KCNK4: variants seen among roughly 807,000 people sequenced by gnomAD.
The protein encoded by KCNK4 is potassium channel subfamily K member 4.
Under a neutral mutation model 28.8 loss-of-function variants are expected in KCNK4, and 22 were observed. The ratio of observed to expected loss-of-function variants is 0.76; its 90% CI spans 0.55 to 1.09. The LOEUF (loss-of-function observed/expected upper bound fraction) is 1.09, where lower values mean the gene tolerates loss of function less well. KCNK4 is among the 50% of genes least tolerant of loss of function. The pLI, the probability that KCNK4 is intolerant of heterozygous loss-of-function variation, is 0.00. For synonymous variants in KCNK4, 263 were observed against 252.9 expected (o/e 1.04, Z -0.38); for missense variants, 483 against 546.3 (o/e 0.88, Z 1.15).
chr11:64,294,944 T>C lies in KCNK4; in HGVS notation c.189+1737T>C, dbSNP rs137904242. 5.3e-5 allele frequency among the ~76,000 whole-genome samples: 8 copies of C among 152,202 alleles called. No homozygotes were observed. In the East Asian group the frequency reaches 7.7e-4, roughly 15 times the overall value. On this transcript the variant is annotated intron_variant, in intron 2 of 6. Coordinates refer to ENST00000422670, the MANE Select transcript of KCNK4 (RefSeq NM_033310.3). ...AATCTGACCTAGTTTGTCTTCACAA[T>C]GGAATTGCTTTTTTCCTGGATAAGA...
rs993080855 is a variant in KCNK4, at chr11:64,299,634, G to A, written c.1090G>A (p.Ala364Thr). The A allele has an allele frequency of 1.9e-6, 3 of 1,607,030 alleles. No homozygotes were observed. Among genetic ancestry groups the A allele is most frequent in the Non-Finnish European group, 1.7e-6 (2 of 1,177,494 alleles). Residue 364 changes from alanine (A) to threonine (T), a missense_variant, in exon 7 of 7, where the codon GCG becomes ACG. Coordinates refer to ENST00000422670, the MANE Select transcript of KCNK4 (RefSeq NM_033310.3). ...QSERGCPLPR[A>T]PRGRRRPNPP... ...CGAGCGCGGCTGCCCGCTGCCCCGCGCGCCGAGAGGTCGCCGCCGCCCAAA... is the reference window on the plus strand; with the variant it reads ...CGAGCGCGGCTGCCCGCTGCCCCGCACGCCGAGAGGTCGCCGCCGCCCAAA...
intron 2 of KCNK4, among the ~76,000 whole-genome samples, chr11:64,295,676 A>C (rs1448567126): frequency 6.9e-6 from 1 of 145,604 alleles, no homozygotes; most frequent in Non-Finnish European, 1.5e-5. Context: ...TTGGAGTCCC[A>C]GGGAGAAGAC....
chr11:64,292,974 C>T lies in KCNK4; in HGVS notation c.-45C>T, dbSNP rs758147054. 5.6e-5 allele frequency: 84 copies of T among 1,503,368 alleles called. No homozygotes were observed. The highest frequency in any genetic ancestry group is 7.0e-5 in the Non-Finnish European group (79 of 1,128,880). The allele number at this position is 1,503,368 out of a possible 1,614,324, so 93.1% of individuals were successfully genotyped here. ...AGCTCCCCAGGAGCCCCCCGCCCGG[C>T]CCCTCCAGGCGGGCAGTGGAGCTGG... On this transcript the variant is annotated 5_prime_UTR_variant, in exon 2 of 7. Transcript: ENST00000422670.
chr11:64,297,870 G>A (rs2034815310), intron 5 of KCNK4, among the ~76,000 whole-genome samples: 1 of 152,116 alleles, frequency 6.6e-6, no homozygotes, highest in African/African-American at 2.4e-5. Flanking sequence ...TATATTAAAT[G>A]CACCCCTCGC....
intron 6 of KCNK4, 91 bp downstream of exon 6, chr11:64,298,340 A>G (rs1591230579): frequency 1.3e-6 from 2 of 1,507,512 alleles, no homozygotes; most frequent in East Asian, 4.6e-5. Context: ...TCTCCTATCC[A>G]GGGCGTGGGC....
Position 64,297,192 on chromosome 11 carries a change from G to T in KCNK4, c.387G>T (p.Pro129=). 6.2e-7 allele frequency: 1 copy of T among 1,614,124 alleles called. No homozygotes were observed. Among genetic ancestry groups the T allele is most frequent in the Non-Finnish European group, 8.5e-7 (1 of 1,180,006 alleles). The part of the protein sequence containing the change: ...FCIFYALVGI[P]LFGILLAGVG... Reference sequence around the variant, plus strand: ...TCTTTTATGCGCTGGTGGGGATTCCGCTGTTTGGGATCCTACTGGCAGGGG... The same window carrying T: ...TCTTTTATGCGCTGGTGGGGATTCCTCTGTTTGGGATCCTACTGGCAGGGG... The change falls in exon 4 of 7, where the codon CCG becomes CCT. Residue 129 remains proline (P), a synonymous_variant. Transcript: ENST00000422670.
intron 6 of KCNK4, among the ~76,000 whole-genome samples, 179 bp downstream of exon 6, chr11:64,298,428 C>A (rs1278357906): frequency 6.6e-6 from 1 of 152,194 alleles, no homozygotes; most frequent in Non-Finnish European, 1.5e-5. Flanking sequence ...GGTACCTTCA[C>A]CACCTCTTCC....
intron 5 of KCNK4, among the ~76,000 whole-genome samples, chr11:64,297,878 C>T (rs547618997): frequency 2.7e-4 from 41 of 152,340 alleles, no homozygotes; most frequent in African/African-American, 9.6e-4. Flanking sequence ...ATGCACCCCT[C>T]GCATGTGTCA....
Position 64,296,459 on chromosome 11 carries a change from C to G in KCNK4, c.190-419C>G, listed in dbSNP as rs921319644. Among the ~76,000 whole-genome samples the G allele has an allele frequency of 2.6e-5, 4 of 151,798 alleles. 1 individual carries two copies. Among genetic ancestry groups the G allele is most frequent in the Admixed American group, 2.6e-4 (4 of 15,210 alleles). ...AACAGTCAGTGCTTACTTTGTTGCA[C>G]GTTCACAAAAAATCTGGGAGGCAGA... is the stretch of plus-strand genomic sequence containing the variant. On this transcript the variant is annotated intron_variant, in intron 2 of 6. Coordinates refer to ENST00000422670, the MANE Select transcript of KCNK4 (RefSeq NM_033310.3).
rs779396444 is a variant in KCNK4, at chr11:64,297,532, C to T, written c.540C>T (p.Cys180=). The change falls in exon 5 of 7, where the codon TGC becomes TGT. Residue 180 remains cysteine (C), a synonymous_variant. Transcript: ENST00000422670. Reference sequence around the variant, plus strand: ...CGATGCTTTTCCTGCTGATCGGCTGCCTGCTCTTTGTCCTCACGCCCACGT... The same window carrying T: ...CGATGCTTTTCCTGCTGATCGGCTGTCTGCTCTTTGTCCTCACGCCCACGT... The part of the protein sequence containing the change: ...LSAMLFLLIG[C]LLFVLTPTFV... 7.4e-6 allele frequency: 12 copies of T among 1,614,064 alleles called. No individual in the cohort carries two copies. The South Asian group carries it at 8.8e-5, about 12-fold the overall frequency.
At chr11:64,293,548 G>C (rs1222647249) in intron 2 of KCNK4, among the ~76,000 whole-genome samples, 1 of 152,182 alleles carries the variant, frequency 6.6e-6, no homozygotes, top group Non-Finnish European at 1.5e-5. Context: ...CACCGGTCTA[G>C]ATTGCCACAC....
At chr11:64,295,920 ACTT>A (rs982638030) in intron 2 of KCNK4, 3 of 151,960 alleles carry the variant, frequency 2.0e-5, no homozygotes, top group African/African-American at 7.3e-5. Flanking sequence ...AGTCTCTCTG[ACTT>A]CCTCTCACCT....
Position 64,299,585 on chromosome 11 carries a change from C to T in KCNK4, c.1041C>T (p.Ile347=), listed in dbSNP as rs773117171. ...LDYPSENLAF[I]DESSDTQSER... ...ATCCCAGCGAGAACCTGGCCTTCAT[C>T]GACGAGTCCTCGGATACGCAGAGCG... Residue 347 remains isoleucine (I), a synonymous_variant, in exon 7 of 7, where the codon ATC becomes ATT. Coordinates refer to ENST00000422670, the MANE Select transcript of KCNK4 (RefSeq NM_033310.3). The T allele has an allele frequency of 1.2e-6, 2 of 1,610,576 alleles. No individual in the cohort carries two copies. The highest frequency in any genetic ancestry group is 1.7e-6 in the Non-Finnish European group (2 of 1,179,010).
At chr11:64,291,993 G>A in intron 1 of KCNK4, 4 of 1,168,096 alleles carry the variant, frequency 3.4e-6, no homozygotes, top group Non-Finnish European at 3.3e-6. Flanking sequence ...CTGCGCGGTG[G>A]CCCTGCTGTC....
At position 64,299,673 on chromosome 11, in the gene KCNK4, C is replaced by A. The variant is rs1044742149; in HGVS notation, c.1129C>A (p.Pro377Thr). The A allele has an allele frequency of 1.3e-5, 21 of 1,595,000 alleles. No individual in the cohort carries two copies. Among genetic ancestry groups the A allele is most frequent in the Non-Finnish European group, 1.8e-5 (21 of 1,172,098 alleles). Residue 377 changes from proline to threonine, a missense_variant, in exon 7 of 7, where the codon CCC becomes ACC. Transcript: ENST00000422670. Reference protein sequence around the residue: ...GRRRPNPPRKPVRPRGPGRPR... With the variant: ...GRRRPNPPRKTVRPRGPGRPR... Reference sequence around the variant, plus strand: ...CCGCCGCCCAAATCCCCCCAGGAAGCCCGTGCGGCCCCGCGGCCCCGGGCG... The same window carrying A: ...CCGCCGCCCAAATCCCCCCAGGAAGACCGTGCGGCCCCGCGGCCCCGGGCG...
rs767313879 is a variant in KCNK4, at chr11:64,299,488, G to T, written c.944G>T (p.Gly315Val). The change falls in exon 7 of 7, where the codon GGC (glycine) becomes GTC (valine). Residue 315 changes from glycine (G) to valine (V), a missense_variant. Physicochemically the swap from Gly to Val is moderately radical, Grantham distance 109. Transcript: ENST00000422670. ...CCGCCCTGTCCAGCGCAGCCGCTGG[G>T]CAGGCCCCGATCCCCTTCGCCCCCC... ...PPPPCPAQPLGRPRSPSPPEK... is the reference protein window; with the variant it reads ...PPPPCPAQPLVRPRSPSPPEK... 3.7e-6 allele frequency: 6 copies of T among 1,607,456 alleles called. No individual in the cohort carries two copies. In the Admixed American group the frequency reaches 5.0e-5, roughly 13 times the overall value.
intron 2 of KCNK4, among the ~76,000 whole-genome samples, chr11:64,295,209 T>C (rs1392543156): frequency 9.2e-5 from 14 of 152,132 alleles, no homozygotes; most frequent in Admixed American, 8.5e-4. Flanking sequence ...CACTGTAGGA[T>C]TCAGTGGAAA....
chr11:64,297,757 C>T, intron 5 of KCNK4, 104 bp downstream of exon 5: 1 of 1,202,958 alleles, frequency 8.3e-7, no homozygotes, highest in Non-Finnish European at 1.2e-6. Context: ...TTGCTCTAAC[C>T]CCTGCATCCA....
Position 64,298,134 on chromosome 11 carries a change from C to T in KCNK4, c.686C>T (p.Pro229Leu), listed in dbSNP as rs146535799. 1.6e-5 allele frequency: 26 copies of T among 1,613,654 alleles called. No individual in the cohort carries two copies. Among genetic ancestry groups the T allele is most frequent in the South Asian group, 7.7e-5 (7 of 91,038 alleles). ...VAGADPRQDS[P>L]AYQPLVWFWI... The stretch of plus-strand genomic sequence containing the variant: ...GGCGCGGACCCCAGGCAGGACTCCC[C>T]GGCCTATCAGCCGCTGGTGTGGTTC... Residue 229 changes from proline (P) to leucine (L), a missense_variant, in exon 6 of 7, where the codon CCG becomes CTG. Pro to Leu is a moderately conservative substitution (Grantham distance 98, BLOSUM62 -3). Transcript: ENST00000422670.
Sources: gnomAD v4.1 joint callset for allele counts (sites outside exome capture counted in the v4.1 genomes callset) on GRCh38, gnomAD v4.1.1 for gene constraint, MANE v1.5 for transcripts, NCBI Gene and HGNC (gene_info 2026-07-23, HGNC 2026-07-21) for gene names.